ATP2C2: variants seen among roughly 807,000 people sequenced by gnomAD.
ATP2C2 encodes the protein calcium-transporting ATPase type 2C member 2.
A neutral mutation model predicts 110.8 loss-of-function variants in ATP2C2; 171 were observed. The observed-to-expected ratio is 1.54, with a 90% CI of 1.36 to 1.75. The LOEUF is 1.75. Among genes scored for constraint, ATP2C2 ranks in the 40% most tolerant of loss-of-function variants. ATP2C2 has a pLI of 0.00. For missense variants in ATP2C2, 1,963 were observed against 1,235.0 expected (o/e 1.59, Z -8.84); for synonymous variants, 804 against 508.4 (o/e 1.58, Z -7.82).
intron 2 of ATP2C2, among the ~76,000 whole-genome samples, chr16:84,400,249 A>G (rs754412142): frequency 7.9e-5 from 12 of 152,020 alleles, no homozygotes; most frequent in African/African-American, 2.2e-4. Flanking sequence ...TATCTCTTCA[A>G]TATTCTGATT....
rs550371299 is a variant in ATP2C2, at chr16:84,415,506, A to G, written c.539A>G (p.His180Arg). The change falls in exon 7 of 27, where the codon CAC becomes CGC. Residue 180 changes from histidine to arginine, a missense_variant. Transcript: ENST00000262429. Reference protein sequence around the residue: ...CNCLREGKLQHLLARELVPGD... With the variant: ...CNCLREGKLQRLLARELVPGD... Reference sequence around the variant, plus strand: ...AGCCTAAGAGAAGGAAAACTCCAGCACCTGCTTGCTCGAGAACTGGTTCCT... The same window carrying G: ...AGCCTAAGAGAAGGAAAACTCCAGCGCCTGCTTGCTCGAGAACTGGTTCCT... 6.2e-7 allele frequency: 1 copy of G among 1,614,122 alleles called. No homozygotes were observed. Among genetic ancestry groups the G allele is most frequent in the South Asian group, 1.1e-5 (1 of 91,068 alleles).
At chr16:84,425,086 A>G (rs75459490) in intron 10 of ATP2C2, among the ~76,000 whole-genome samples, 11 of 152,110 alleles carry the variant, frequency 7.2e-5, no homozygotes, top group African/African-American at 2.7e-4. Context: ...CCCTCAATAC[A>G]TACACACACA....
At chr16:84,398,649 G>T (rs569268651) in intron 2 of ATP2C2, 40 bp downstream of exon 2, 80 of 1,501,520 alleles carry the variant, frequency 5.3e-5, no homozygotes, top group South Asian at 3.0e-4. Flanking sequence ...TTGTGATAAG[G>T]TTTTATGTTT....
intron 7 of ATP2C2, among the ~76,000 whole-genome samples, chr16:84,421,890 C>T (rs758347269): frequency 5.9e-5 from 9 of 152,138 alleles, no homozygotes; most frequent in Non-Finnish European, 1.2e-4. Context: ...AGTCAGTGTT[C>T]TGCAAATGTC....
intron 11 of ATP2C2, among the ~76,000 whole-genome samples, chr16:84,426,226 G>C (rs1185878939): frequency 1.3e-5 from 2 of 152,094 alleles, no homozygotes; most frequent in African/African-American, 2.4e-5. Flanking sequence ...CATGGCAAGA[G>C]CAGGGGCAGG....
chr16:84,373,501 A>AAACAAC (rs35671314), intron 1 of ATP2C2, among the ~76,000 whole-genome samples: 3 of 151,630 alleles, frequency 2.0e-5, no homozygotes, highest in South Asian at 2.1e-4. Context: ...CTCCATCTCA[A>AAACAAC]AACAACAACA....
rs2326270 is a variant in ATP2C2, at chr16:84,427,445, C to T, written c.986+1644C>T. Among the ~76,000 whole-genome samples the T allele has an allele frequency of 5.8e-3, 881 of 152,106 alleles. 3 individuals are homozygous for T. The highest frequency in any genetic ancestry group is 0.02 in the African/African-American group (832 of 41,466). ...CAAAAATAGGTCACTCGGCCAGGCG[C>T]GGTGGCTCATACCTGTAATCCTAGC... On this transcript the variant is annotated intron_variant, in intron 11 of 26. Transcript: ENST00000262429.
chr16:84,395,474 T>C (rs1242328011), intron 1 of ATP2C2, among the ~76,000 whole-genome samples: 2 of 151,468 alleles, frequency 1.3e-5, no homozygotes, highest in East Asian at 1.9e-4. Context: ...TTTTTTTTTT[T>C]TTGAGACAGA....
Position 84,459,363 on chromosome 16 carries a change from C to G in ATP2C2, c.2310C>G (p.Ile770Met). 3 of 1,614,180 alleles carry G rather than the reference C, an allele frequency of 1.9e-6. No individual in the cohort carries two copies. The highest frequency in any genetic ancestry group is 2.5e-6 in the Non-Finnish European group (3 of 1,180,010). Residue 770 changes from isoleucine (I) to methionine (M), a missense_variant, in exon 23 of 27, where the codon ATC (isoleucine) becomes ATG (methionine). By Grantham distance (10) the Ile-to-Met change is conservative. Transcript: ENST00000262429. Reference protein sequence around the residue: ...NAMQILWINIIMDGPPAQSLG... With the variant: ...NAMQILWINIMMDGPPAQSLG... The stretch of plus-strand genomic sequence containing the variant: ...TGCAGATCCTATGGATCAACATCAT[C>G]ATGGATGGGCCACCGGCGCAGAGGT...
At chr16:84,410,546 C>A (rs372812749) in intron 4 of ATP2C2, 22 bp from the exon 5 acceptor site, 116 of 1,613,240 alleles carry the variant, frequency 7.2e-5, no homozygotes, top group Middle Eastern at 1.7e-4. Context: ...GGTACTGACA[C>A]CCTCCTCCGT....
At chr16:84,394,573 G>A (rs976536363) in intron 1 of ATP2C2, among the ~76,000 whole-genome samples, 1 of 152,088 alleles carries the variant, frequency 6.6e-6, no homozygotes, top group African/African-American at 2.4e-5. Context: ...AAATTTAAAT[G>A]TATTGTCTCA....
rs1460168488 is a variant in ATP2C2 at position 84,463,778 on chromosome 16, G to A, written c.*46G>A. The A allele has an allele frequency of 2.6e-6, 4 of 1,520,676 alleles. No individual in the cohort carries two copies. Among genetic ancestry groups the A allele is most frequent in the Admixed American group, 3.3e-5 (2 of 59,772 alleles). The allele number at this position is 1,520,676 out of a possible 1,614,324, so 94.2% of individuals were successfully genotyped here. ...CTTCCCTAATCATCTCGATCTGGTTGTGACTGTGGCCCCTGCCGTGTCTCC... is the reference window on the plus strand; with the variant it reads ...CTTCCCTAATCATCTCGATCTGGTTATGACTGTGGCCCCTGCCGTGTCTCC... On this transcript the variant is annotated 3_prime_UTR_variant, in exon 27 of 27. Coordinates refer to ENST00000262429, the MANE Select transcript of ATP2C2 (RefSeq NM_014861.4).
chr16:84,406,329 C>T (rs918167700), intron 3 of ATP2C2, among the ~76,000 whole-genome samples: 9 of 152,262 alleles, frequency 5.9e-5, no homozygotes, highest in Non-Finnish European at 4.4e-5. Context: ...GCTCAGTGAA[C>T]AGGCAGAATT....
chr16:84,445,454 C>T (rs1159794446), intron 15 of ATP2C2, among the ~76,000 whole-genome samples: 1 of 152,138 alleles, frequency 6.6e-6, no homozygotes, highest in Non-Finnish European at 1.5e-5. Context: ...GTGATCCACC[C>T]GCCTCGGCTG....
At chr16:84,423,941 A>G (rs948455473) in intron 10 of ATP2C2, among the ~76,000 whole-genome samples, 20 of 152,198 alleles carry the variant, frequency 1.3e-4, no homozygotes, top group Non-Finnish European at 1.5e-4. Flanking sequence ...TGACATCCCC[A>G]TAGTGCTGCC....
intron 1 of ATP2C2, among the ~76,000 whole-genome samples, chr16:84,386,191 A>C (rs1288428528): frequency 6.6e-6 from 1 of 152,148 alleles, no homozygotes; most frequent in Non-Finnish European, 1.5e-5. Context: ...TTTAGAAAGC[A>C]AGATCTGGTA....
At position 84,440,847 on chromosome 16, in the gene ATP2C2, C is replaced by T. The variant is rs747338600; in HGVS notation, c.1210-10C>T. Reference sequence around the variant, plus strand: ...CTTGGCGAAACCCTTTCTTCTGCCTCGCCCTGCAGGTCAGCGGAGTTGGGT... The same window carrying T: ...CTTGGCGAAACCCTTTCTTCTGCCTTGCCCTGCAGGTCAGCGGAGTTGGGT... On this transcript the variant is annotated splice_polypyrimidine_tract_variant and intron_variant, in intron 13 of 26. Coordinates refer to ENST00000262429, the MANE Select transcript of ATP2C2 (RefSeq NM_014861.4). 4.4e-6 allele frequency: 7 copies of T among 1,606,524 alleles called. No homozygotes were observed. The highest frequency in any genetic ancestry group is 2.2e-5 in the East Asian group (1 of 44,840).
intron 1 of ATP2C2, among the ~76,000 whole-genome samples, chr16:84,370,335 G>A (rs1030897809): frequency 6.6e-6 from 1 of 152,230 alleles, no homozygotes; most frequent in Non-Finnish European, 1.5e-5. Context: ...GGTGCGTGAT[G>A]ATGGGCAGTG....
Position 84,398,570 on chromosome 16 carries a change from G to T in ATP2C2, c.171G>T (p.Ala57=). ...TGACAGCCCTGCCCCCCAAGGAAGC[G>T]TGCAAATGCCAGAAAGAGGATTTGG... ...KKVTALPPKE[A]CKCQKEDLAR... Residue 57 remains alanine (A), a synonymous_variant, in exon 2 of 27, where the codon GCG becomes GCT. Transcript: ENST00000262429. The T allele has an allele frequency of 6.2e-7, 1 of 1,613,064 alleles. No homozygotes were observed. Among genetic ancestry groups the T allele is most frequent in the Non-Finnish European group, 8.5e-7 (1 of 1,179,560 alleles).
Sources: gnomAD v4.1 joint callset for allele counts (sites outside exome capture counted in the v4.1 genomes callset) on GRCh38, gnomAD v4.1.1 for gene constraint, MANE v1.5 for transcripts, NCBI Gene and HGNC (gene_info 2026-07-23, HGNC 2026-07-21) for gene names.